Variants in DYNC2I2 observed in about 807,000 individuals in gnomAD.
DYNC2I2 encodes the protein cytoplasmic dynein 2 intermediate chain 2.
A neutral mutation model predicts 52.0 loss-of-function variants in DYNC2I2; 39 were observed. The ratio of observed to expected loss-of-function variants is 0.75; its 90% CI spans 0.58 to 0.98. The LOEUF (loss-of-function observed/expected upper bound fraction) is 0.98, where lower values mean the gene tolerates loss of function less well. Ranked by LOEUF, DYNC2I2 falls within the 50% of genes least tolerant of loss-of-function variation. The pLI, the probability that DYNC2I2 is intolerant of heterozygous loss-of-function variation, is 0.00. For synonymous variants in DYNC2I2, 359 were observed against 321.1 expected, an observed-to-expected ratio of 1.12 and a Z score of -1.26; for missense variants, 743 against 728.4, an observed-to-expected ratio of 1.02 and a Z score of -0.23.
the DYNC2I2 span, among the ~76,000 whole-genome samples, chr9:128,667,227 G>A: frequency 6.6e-6 from 1 of 152,020 alleles, no homozygotes; most frequent in Admixed American, 6.6e-5. Context: ...AATTAGGAGT[G>A]GTGATATGTG....
the DYNC2I2 span, chr9:128,684,135 T>G: frequency 1.4e-6 from 1 of 717,326 alleles, no homozygotes; most frequent in Non-Finnish European, 2.3e-6. Context: ...AAACCTGGGA[T>G]GGTGGATTAA....
chr9:128,638,142 TGGGA>T (rs1860448678), intron 2 of DYNC2I2, among the ~76,000 whole-genome samples: 2 of 146,182 alleles, frequency 1.4e-5, no homozygotes, highest in Admixed American at 7.0e-5. Flanking sequence ...GAAGTTGAGG[TGGGA>T]GGATCACTTG....
intron 1 of DYNC2I2, among the ~76,000 whole-genome samples, chr9:128,653,775 G>T (rs1860765290): frequency 6.6e-6 from 1 of 151,940 alleles, no homozygotes; most frequent in African/African-American, 2.4e-5. Context: ...AATTTGGGAG[G>T]CCAAGGCAGG....
Position 128,634,926 on chromosome 9 carries a change from G to A in DYNC2I2, c.982-5C>T, listed in dbSNP as rs1860352091. The stretch of plus-strand genomic sequence containing the variant: ...CTCGGTCTCCCCGCGGGGATGCTGT[G>A]GAGAAATGGCAGCAGCAGGGTCAGA... On this transcript the variant is annotated splice_region_variant and splice_polypyrimidine_tract_variant and intron_variant, in intron 6 of 8. Transcript: ENST00000372715. 1 of 1,611,562 alleles carries A rather than the reference G, an allele frequency of 6.2e-7. No individual in the cohort carries two copies. Among genetic ancestry groups the A allele is most frequent in the Non-Finnish European group, 8.5e-7 (1 of 1,179,280 alleles).
chr9:128,633,803 C>T lies in DYNC2I2; in HGVS notation c.1552G>A (p.Glu518Lys). ...KVWQLSTEFT[E>K]QGPREAEDLD... ...TCCTCAGCTTCCCGGGGCCCTTGTTCCGTGAACTCTGTGCTCAGCTGCCAC... is the reference window on the plus strand; with the variant it reads ...TCCTCAGCTTCCCGGGGCCCTTGTTTCGTGAACTCTGTGCTCAGCTGCCAC... Residue 518 changes from glutamate (E) to lysine (K), a missense_variant, in exon 9 of 9, where the codon GAA (glutamate) becomes AAA (lysine). By Grantham distance (56) the Glu-to-Lys change is moderately conservative (BLOSUM62 1). Coordinates refer to ENST00000372715, the MANE Select transcript of DYNC2I2 (RefSeq NM_052844.4). 1 of 1,613,628 alleles carries T rather than the reference C, an allele frequency of 6.2e-7. No individual in the cohort carries two copies. Among genetic ancestry groups the T allele is most frequent in the Admixed American group, 1.7e-5 (1 of 60,028 alleles).
intron 1 of DYNC2I2, among the ~76,000 whole-genome samples, chr9:128,647,473 C>A (rs548397405): frequency 2.2e-4 from 34 of 152,204 alleles, no homozygotes; most frequent in African/African-American, 7.5e-4. Flanking sequence ...CTATGGCTCA[C>A]GCCTGCAATC....
chr9:128,641,972 T>TAC (rs1190277603), intron 1 of DYNC2I2, among the ~76,000 whole-genome samples: 3 of 140,924 alleles, frequency 2.1e-5, no homozygotes, highest in East Asian at 4.2e-4. Flanking sequence ...TTCATTTATA[T>TAC]ACATACACAC....
At chr9:128,642,417 C>T (rs940721812) in intron 1 of DYNC2I2, among the ~76,000 whole-genome samples, 2 of 146,892 alleles carry the variant, frequency 1.4e-5, no homozygotes, top group African/African-American at 5.1e-5. Flanking sequence ...GATCATGCCA[C>T]TGCACTCCAG....
upstream of DYNC2I2, among the ~76,000 whole-genome samples, chr9:128,659,800 C>T (rs1439240144): frequency 6.6e-6 from 1 of 151,538 alleles, no homozygotes; most frequent in Non-Finnish European, 1.5e-5. Context: ...TCCAGCTACT[C>T]CGGAGGCTGA....
chr9:128,665,867 T>C, the DYNC2I2 span, among the ~76,000 whole-genome samples: 2 of 146,668 alleles, frequency 1.4e-5, no homozygotes, highest in Non-Finnish European at 3.0e-5. Context: ...GGTCAGGAGT[T>C]CAACACCACC....
the DYNC2I2 span, among the ~76,000 whole-genome samples, chr9:128,665,035 A>T: frequency 2.0e-5 from 3 of 150,714 alleles, no homozygotes; most frequent in Non-Finnish European, 4.4e-5. Context: ...ATAACTGTGA[A>T]TTTTTTTTCT....
intron 1 of DYNC2I2, among the ~76,000 whole-genome samples, chr9:128,647,315 T>C (rs1860633664): frequency 6.6e-6 from 1 of 152,040 alleles, no homozygotes; most frequent in Admixed American, 6.6e-5. Context: ...AAGGCTCCAA[T>C]AAGCCGCCCC....
chr9:128,634,596 A>T (rs1860330528), intron 7 of DYNC2I2, 93 bp downstream of exon 7: 1 of 1,369,874 alleles, frequency 7.3e-7, no homozygotes, highest in South Asian at 1.5e-5. Context: ...GAAGGCAAGC[A>T]CTTGAAGCAG....
the DYNC2I2 span, among the ~76,000 whole-genome samples, chr9:128,674,764 G>A: frequency 6.6e-6 from 1 of 152,060 alleles, no homozygotes; most frequent in Non-Finnish European, 1.5e-5. Flanking sequence ...AAAATGTCTA[G>A]ACATGGAGTT....
At chr9:128,662,431 GA>G in the DYNC2I2 span, among the ~76,000 whole-genome samples, 1 of 130,786 alleles carries the variant, frequency 7.6e-6, no homozygotes, top group Non-Finnish European at 1.7e-5. Flanking sequence ...TTTTATTTGA[GA>G]TGGAGTTTTG....
chr9:128,672,031 T>TG, the DYNC2I2 span, among the ~76,000 whole-genome samples: 1 of 143,558 alleles, frequency 7.0e-6, no homozygotes, highest in African/African-American at 2.6e-5. Context: ...TGGAGTGCAG[T>TG]GGCGCGATCT....
rs753246830 is a variant in DYNC2I2, at chr9:128,635,262, G to A, written c.814-3C>T. On this transcript the variant is annotated splice_polypyrimidine_tract_variant and splice_region_variant and intron_variant, in intron 5 of 8. Transcript: ENST00000372715. Reference sequence around the variant, plus strand: ...CCAGGCTCGGGCAGCCACACCACCTGAGTTAACAGCATGCAGGGCCAGGAT... The same window carrying A: ...CCAGGCTCGGGCAGCCACACCACCTAAGTTAACAGCATGCAGGGCCAGGAT... 6.2e-7 allele frequency: 1 copy of A among 1,612,314 alleles called. No homozygotes were observed. Among genetic ancestry groups the A allele is most frequent in the South Asian group, 1.1e-5 (1 of 91,032 alleles).
Position 128,633,816 on chromosome 9 carries a change from G to C in DYNC2I2, c.1539C>G (p.Ser513Arg). Residue 513 changes from serine (S) to arginine (R), a missense_variant, in exon 9 of 9, where the codon AGC (serine) becomes AGG (arginine). Coordinates refer to ENST00000372715, the MANE Select transcript of DYNC2I2 (RefSeq NM_052844.4). ...AQGTVKVWQL[S>R]TEFTEQGPRE... The stretch of plus-strand genomic sequence containing the variant: ...GGGGCCCTTGTTCCGTGAACTCTGT[G>C]CTCAGCTGCCACACCTTCACTGTGC... The C allele has an allele frequency of 6.2e-7, 1 of 1,613,558 alleles. No individual in the cohort carries two copies. The highest frequency in any genetic ancestry group is 8.5e-7 in the Non-Finnish European group (1 of 1,180,032).
intron 1 of DYNC2I2, among the ~76,000 whole-genome samples, chr9:128,649,824 C>T (rs562125428): frequency 0.081 from 2,204 of 27,212 alleles, 156 homozygotes; most frequent in Non-Finnish European, 0.19. Flanking sequence ...GAAACCCCAT[C>T]TCTACTAAAA....
Sources: gnomAD v4.1 joint callset for allele counts (sites outside exome capture counted in the v4.1 genomes callset) on GRCh38, gnomAD v4.1.1 for gene constraint, MANE v1.5 for transcripts, NCBI Gene and HGNC (gene_info 2026-07-23, HGNC 2026-07-21) for gene names.